GRIN3A: variants seen among roughly 807,000 people sequenced by gnomAD.
The protein encoded by GRIN3A is glutamate ionotropic receptor NMDA type subunit 3A.
In GRIN3A, 47 loss-of-function variants were observed where a neutral mutation model predicts 92.4. The ratio of observed to expected loss-of-function variants is 0.51; its 90% confidence interval spans 0.40 to 0.65. GRIN3A has a LOEUF of 0.65. GRIN3A is among the 30% of genes least tolerant of loss of function. The pLI, the probability that GRIN3A is intolerant of heterozygous loss-of-function variation, is 0.00. For synonymous variants in GRIN3A, 527 were observed against 540.6 expected, an observed-to-expected ratio of 0.97 and a Z score of 0.35; for missense variants, 1,324 against 1,393.1, an observed-to-expected ratio of 0.95 and a Z score of 0.79.
rs868840935 is a variant in GRIN3A at position 101,697,252 on chromosome 9, T to A, written c.700-10052A>T. ...ATGATTACACTTTGCTGCAATGACA[T>A]TTTATTTCACTTTAATTGTGGAATA... On this transcript the variant is annotated intron_variant, in intron 1 of 8. Transcript: ENST00000361820. 2.6e-5 allele frequency among the ~76,000 whole-genome samples: 4 copies of A among 152,340 alleles called. No homozygotes were observed. In the South Asian group the frequency reaches 6.2e-4, roughly 24 times the overall value.
intron 1 of GRIN3A, among the ~76,000 whole-genome samples, chr9:101,689,737 C>CACACAT (rs1255798589): frequency 7.3e-6 from 1 of 136,922 alleles, no homozygotes; most frequent in Non-Finnish European, 1.6e-5. Context: ...CATGCACACA[C>CACACAT]ACACATACAC....
chr9:101,712,120 A>G (rs1234449111), intron 1 of GRIN3A, among the ~76,000 whole-genome samples: 1 of 152,154 alleles, frequency 6.6e-6, no homozygotes, highest in East Asian at 1.9e-4. Context: ...TGCTTGGAGA[A>G]TTTAAATTCA....
intron 4 of GRIN3A, among the ~76,000 whole-genome samples, chr9:101,626,389 A>G (rs1400676548): frequency 1.3e-5 from 2 of 152,160 alleles, no homozygotes; most frequent in East Asian, 3.9e-4. Context: ...ATATGTAGAA[A>G]AGTTCCTTGC....
intron 3 of GRIN3A, among the ~76,000 whole-genome samples, chr9:101,638,243 C>T (rs1046947713): frequency 7.2e-5 from 11 of 152,210 alleles, no homozygotes; most frequent in African/African-American, 2.4e-4. Context: ...CTTTTAGATA[C>T]TATGGAGACC....
Position 101,655,442 on chromosome 9 carries a change from C to A in GRIN3A, c.2352+14618G>T, listed in dbSNP as rs1309551569. ...GTGCATTGAACAGTAATTAAGTGAGCATATTATGAATTTCTTTTTCTGATA... is the reference window on the plus strand; with the variant it reads ...GTGCATTGAACAGTAATTAAGTGAGAATATTATGAATTTCTTTTTCTGATA... On this transcript the variant is annotated intron_variant, in intron 3 of 8. Transcript: ENST00000361820. Among the ~76,000 whole-genome samples, 3 of 152,008 alleles carry A rather than the reference C, an allele frequency of 2.0e-5. No homozygotes were observed. The East Asian group carries it at 5.8e-4, about 30-fold the overall frequency.
At chr9:101,728,010 G>T (rs1348324757) in intron 1 of GRIN3A, among the ~76,000 whole-genome samples, 1 of 151,802 alleles carries the variant, frequency 6.6e-6, no homozygotes, top group Non-Finnish European at 1.5e-5. Context: ...TCTGTGTGTG[G>T]ATCTGTGTAT....
chr9:101,639,575 A>C (rs1407202841), intron 3 of GRIN3A, among the ~76,000 whole-genome samples: 1 of 152,216 alleles, frequency 6.6e-6, no homozygotes, highest in Admixed American at 6.5e-5. Flanking sequence ...TTTTGGGCTG[A>C]TGAAATGCAA....
intron 8 of GRIN3A, among the ~76,000 whole-genome samples, chr9:101,573,773 A>ATTT (rs5899448): frequency 7.6e-5 from 7 of 92,610 alleles, no homozygotes; most frequent in African/African-American, 1.7e-4. Flanking sequence ...GGTATGGTGC[A>ATTT]TTTTTTTTTT....
rs1279218655 is a variant in GRIN3A at position 101,628,484 on chromosome 9, C to T, written c.2353-83G>A. The stretch of plus-strand genomic sequence containing the variant: ...ACATTTTTTTCATAATTCTTTGAAA[C>T]TTAATAATAATTCGGAACTTTTCTA... On this transcript the variant is annotated intron_variant, in intron 3 of 8. Transcript: ENST00000361820. 5 of 1,407,484 alleles carry T rather than the reference C, an allele frequency of 3.6e-6. No individual in the cohort carries two copies. In the African/African-American group the frequency reaches 7.2e-5, roughly 20 times the overall value. 87.2% of individuals were successfully genotyped at this position (1,407,484 alleles called of 1,614,324 possible).
Position 101,677,038 on chromosome 9 carries a change from G to C in GRIN3A, c.1305-5931C>G, listed in dbSNP as rs776653138. Among the ~76,000 whole-genome samples the C allele has an allele frequency of 8.8e-5, 12 of 135,844 alleles. No homozygotes were observed. The Middle Eastern group carries it at 0.012, about 132-fold the overall frequency. 89.1% of individuals were successfully genotyped at this position (135,844 alleles called of 152,430 possible). On this transcript the variant is annotated intron_variant, in intron 2 of 8. Transcript: ENST00000361820. ...CTTATGTAGTCTTTTTTTTTTTTCT[G>C]CTCTTTTTCATTCAAGAGCCCTAAG...
intron 6 of GRIN3A, among the ~76,000 whole-genome samples, chr9:101,611,074 G>A (rs548767699): frequency 8.0e-5 from 12 of 150,872 alleles, no homozygotes; most frequent in Non-Finnish European, 1.3e-4. Flanking sequence ...CTCCAGCCTG[G>A]GTTACAGTGT....
intron 6 of GRIN3A, chr9:101,592,750 T>G (rs1038570856): frequency 5.4e-5 from 7 of 130,686 alleles, no homozygotes; most frequent in African/African-American, 2.0e-4. Flanking sequence ...ATTAAATTTG[T>G]GGACTTTTTT....
At chr9:101,727,988 C>G (rs912676272) in intron 1 of GRIN3A, among the ~76,000 whole-genome samples, 3 of 151,778 alleles carry the variant, frequency 2.0e-5, no homozygotes, top group Non-Finnish European at 4.4e-5. Context: ...ATCAGCAACA[C>G]AATAACATCT....
chr9:101,638,443 G>T (rs1435019497), intron 3 of GRIN3A, among the ~76,000 whole-genome samples: 1 of 151,956 alleles, frequency 6.6e-6, no homozygotes, highest in Non-Finnish European at 1.5e-5. Context: ...GTTCACTGAG[G>T]CTCTTCCAAT....
chr9:101,727,246 G>A lies in GRIN3A; in HGVS notation c.699+10035C>T, dbSNP rs1298945721. On this transcript the variant is annotated intron_variant, in intron 1 of 8. Coordinates refer to ENST00000361820, the MANE Select transcript of GRIN3A (RefSeq NM_133445.3). ...ACAAATAATGGAGAAAAATATTTGC[G>A]ATATGAGAAGCGGTTTATAATGTAT... Among the ~76,000 whole-genome samples the A allele has an allele frequency of 2.6e-5, 4 of 152,104 alleles. No homozygotes were observed. In the East Asian group the frequency reaches 7.7e-4, roughly 29 times the overall value.
chr9:101,620,962 A>T (rs1459693227), intron 5 of GRIN3A, among the ~76,000 whole-genome samples: 9 of 152,164 alleles, frequency 5.9e-5, no homozygotes, highest in Non-Finnish European at 1.0e-4. Flanking sequence ...CTCTAATAAC[A>T]TTTAAGTTTC....
At chr9:101,724,805 C>T (rs1000583339) in intron 1 of GRIN3A, among the ~76,000 whole-genome samples, 13 of 152,230 alleles carry the variant, frequency 8.5e-5, no homozygotes, top group African/African-American at 3.1e-4. Flanking sequence ...GCCTCCCCAG[C>T]CATGTAGAAC....
chr9:101,651,636 TTGTGTGTGTGTG>T (rs57126529), intron 3 of GRIN3A, among the ~76,000 whole-genome samples: 9 of 145,946 alleles, frequency 6.2e-5, no homozygotes, highest in Non-Finnish European at 1.1e-4. Context: ...AATAAATCCA[TTGTGTGTGTGTG>T]TGTGTGTGTG....
At chr9:101,723,276 G>C (rs567142250) in intron 1 of GRIN3A, among the ~76,000 whole-genome samples, 212 of 152,118 alleles carry the variant, frequency 1.4e-3, no homozygotes, top group African/African-American at 4.7e-3. Flanking sequence ...CTTCTGGTGG[G>C]TTCATGGTCT....
Sources: gnomAD v4.1 joint callset for allele counts (sites outside exome capture counted in the v4.1 genomes callset) on GRCh38, gnomAD v4.1.1 for gene constraint, MANE v1.5 for transcripts, NCBI Gene and HGNC (gene_info 2026-07-23, HGNC 2026-07-21) for gene names.